Variants in SLC14A2 observed in about 807,000 individuals in gnomAD.
The protein encoded by SLC14A2 is urea transporter 2.
Under a neutral mutation model 104.6 loss-of-function variants are expected in SLC14A2, and 91 were observed. The ratio of observed to expected loss-of-function variants is 0.87; its 90% CI spans 0.73 to 1.04. The LOEUF (loss-of-function observed/expected upper bound fraction) is 1.04. Among genes scored for constraint, SLC14A2 ranks in the 50% least tolerant of loss-of-function variants. The pLI is 0.00. For synonymous variants in SLC14A2, 476 were observed against 466.4 expected, an observed-to-expected ratio of 1.02 and a Z score of -0.27; for missense variants, 1,189 against 1,156.0, an observed-to-expected ratio of 1.03 and a Z score of -0.41.
chr18:45,535,293 C>A (rs533041427), intron 2 of SLC14A2, among the ~76,000 whole-genome samples: 2 of 152,320 alleles, frequency 1.3e-5, no homozygotes, highest in East Asian at 1.9e-4. Context: ...TTTCTGACAA[C>A]TTTTCCAACT....
At chr18:45,288,407 G>A (rs1379144422) in intron 1 of SLC14A2, among the ~76,000 whole-genome samples, 2 of 152,210 alleles carry the variant, frequency 1.3e-5, no homozygotes, top group Non-Finnish European at 2.9e-5. Flanking sequence ...TGGGGCAGGA[G>A]CAACGATGGT....
intron 1 of SLC14A2, among the ~76,000 whole-genome samples, chr18:45,420,741 T>C (rs1405375066): frequency 6.6e-6 from 1 of 151,186 alleles, no homozygotes; most frequent in Non-Finnish European, 1.5e-5. Flanking sequence ...TTTTTATTAT[T>C]ATTATTATTT....
intron 1 of SLC14A2, among the ~76,000 whole-genome samples, chr18:45,268,793 G>A (rs966067484): frequency 5.9e-5 from 9 of 152,076 alleles, no homozygotes; most frequent in African/African-American, 2.2e-4. Context: ...TTATATGACA[G>A]ATAAGGCTGG....
the SLC14A2 span, chr18:45,181,490 T>C: frequency 6.6e-6 from 1 of 152,122 alleles, no homozygotes; most frequent in Non-Finnish European, 1.5e-5. Context: ...TCTTTTCAAT[T>C]ACCTCCATGG....
At chr18:45,413,322 T>C (rs1470510471) in intron 1 of SLC14A2, among the ~76,000 whole-genome samples, 1 of 152,146 alleles carries the variant, frequency 6.6e-6, no homozygotes, top group Non-Finnish European at 1.5e-5. Context: ...AAAGGACTTT[T>C]TTTCTTTTAA....
At chr18:45,405,872 C>T (rs1277183562) in intron 1 of SLC14A2, among the ~76,000 whole-genome samples, 2 of 145,432 alleles carry the variant, frequency 1.4e-5, no homozygotes, top group African/African-American at 5.1e-5. Context: ...GCACTCCAGC[C>T]TGTGCGACAG....
intron 10 of SLC14A2, among the ~76,000 whole-genome samples, chr18:45,656,045 A>G (rs564444423): frequency 4.3e-4 from 65 of 152,350 alleles, no homozygotes; most frequent in African/African-American, 1.5e-3. Flanking sequence ...ACTTGGTTAC[A>G]CGGAATTGCT....
chr18:45,567,436 T>G (rs1336849191), intron 2 of SLC14A2, among the ~76,000 whole-genome samples: 3 of 152,200 alleles, frequency 2.0e-5, no homozygotes, highest in African/African-American at 7.2e-5. Flanking sequence ...ACAGCCCAGA[T>G]CTGTCTGCTG....
Position 45,670,756 on chromosome 18 carries a change from G to T in SLC14A2, c.2229+1258G>T, listed in dbSNP as rs535320594. On this transcript the variant is annotated intron_variant, in intron 16 of 19. Coordinates refer to ENST00000255226, the MANE Select transcript of SLC14A2 (RefSeq NM_007163.4). Reference sequence around the variant, plus strand: ...GCTCACTGCAGCCTCAAACTCCTGTGTTCAAGGGATCCTCCCACCTCAGCC... The same window carrying T: ...GCTCACTGCAGCCTCAAACTCCTGTTTTCAAGGGATCCTCCCACCTCAGCC... 1.8e-4 allele frequency among the ~76,000 whole-genome samples: 28 copies of T among 152,298 alleles called. No homozygotes were observed. The South Asian group carries it at 5.8e-3, about 32-fold the overall frequency.
intron 1 of SLC14A2, among the ~76,000 whole-genome samples, chr18:45,237,543 G>T (rs998345512): frequency 1.3e-5 from 2 of 152,190 alleles, no homozygotes; most frequent in Non-Finnish European, 2.9e-5. Flanking sequence ...CCTCTGAGTG[G>T]AAATGTGACC....
chr18:45,210,991 A>G (rs191629776), upstream of SLC14A2, among the ~76,000 whole-genome samples: 40 of 152,352 alleles, frequency 2.6e-4, no homozygotes, highest in Middle Eastern at 6.8e-3. Flanking sequence ...GAAATTTGCT[A>G]AGTGAAATTT....
intron 2 of SLC14A2, among the ~76,000 whole-genome samples, chr18:45,581,146 C>T (rs369724864): frequency 1.4e-4 from 21 of 151,978 alleles, no homozygotes; most frequent in African/African-American, 3.6e-4. Flanking sequence ...TATATGGGGA[C>T]GAAAAGAGCA....
At chr18:45,374,794 T>C (rs1195160345) in intron 1 of SLC14A2, among the ~76,000 whole-genome samples, 1 of 152,210 alleles carries the variant, frequency 6.6e-6, no homozygotes, top group African/African-American at 2.4e-5. Context: ...TCTGGACTTC[T>C]AACCTAGGGA....
At position 45,663,836 on chromosome 18, in the gene SLC14A2, C is replaced by T. The variant is rs148232674; in HGVS notation, c.1403C>T (p.Ser468Leu). Reference protein sequence around the residue: ...PTAGPKVEEGSEAVLSKHRSV... With the variant: ...PTAGPKVEEGLEAVLSKHRSV... ...GCAGGCCCAAAGGTGGAGGAGGGCT[C>T]GGAGGCTGTGCTCTCCAAGCACAGG... The change falls in exon 11 of 20, where the codon TCG becomes TTG. Residue 468 changes from serine to leucine, a missense_variant. By Grantham distance (145) the Ser-to-Leu change is moderately radical. Coordinates refer to ENST00000255226, the MANE Select transcript of SLC14A2 (RefSeq NM_007163.4). The T allele has an allele frequency of 2.7e-5, 44 of 1,613,022 alleles. No individual in the cohort carries two copies. In the African/African-American group the frequency reaches 2.8e-4, roughly 10 times the overall value.
chr18:45,352,562 G>A (rs1371519540), intron 1 of SLC14A2, among the ~76,000 whole-genome samples: 1 of 152,168 alleles, frequency 6.6e-6, no homozygotes, highest in African/African-American at 2.4e-5. Flanking sequence ...AGAATGATGT[G>A]TAAGGGCAGA....
intron 1 of SLC14A2, among the ~76,000 whole-genome samples, chr18:45,255,769 A>AT (rs1555669294): frequency 1.3e-5 from 2 of 151,924 alleles, no homozygotes; most frequent in Non-Finnish European, 2.9e-5. Context: ...GCAGGGGGAA[A>AT]ATATATATAT....
At chr18:45,674,394 TC>T (rs1230577543) in intron 18 of SLC14A2, among the ~76,000 whole-genome samples, 1 of 152,188 alleles carries the variant, frequency 6.6e-6, no homozygotes, top group Non-Finnish European at 1.5e-5. Flanking sequence ...ATAAAAATTT[TC>T]CAAATATTCT....
In SLC14A2 at chr18:45,396,627, G is replaced by GTT. The variant is rs770748424; in HGVS notation, c.-124-86602_-124-86601dup. Among the ~76,000 whole-genome samples the GTT allele has an allele frequency of 5.0e-5, 6 of 120,676 alleles. 1 individual carries two copies. Among genetic ancestry groups the GTT allele is most frequent in the Non-Finnish European group, 8.8e-5 (5 of 56,844 alleles). The allele number at this position is 120,676 out of a possible 152,430, so 79.2% of individuals were successfully genotyped here. A position where few individuals can be genotyped will look rare whatever the true frequency, so the allele number is the denominator to read the frequency against. ...TTGGGAGTCAACCTGGTTTTTTTTT[G>GTT]TTTTTGTTTTTTTTCTTTTTTCCCT... On this transcript the variant is annotated intron_variant, in intron 1 of 20. Transcript: ENST00000586448.
At chr18:45,192,258 T>C in the SLC14A2 span, among the ~76,000 whole-genome samples, 1 of 152,194 alleles carries the variant, frequency 6.6e-6, no homozygotes, top group South Asian at 2.1e-4. Flanking sequence ...TTCAGTTTTA[T>C]GGAAGCCTAA....
Sources: gnomAD v4.1 joint callset for allele counts (sites outside exome capture counted in the v4.1 genomes callset) on GRCh38, gnomAD v4.1.1 for gene constraint, MANE v1.5 for transcripts, NCBI Gene and HGNC (gene_info 2026-07-23, HGNC 2026-07-21) for gene names.